The following GALNT13 variants were observed in gnomAD, a reference collection of about 807,000 sequenced individuals.
GALNT13 encodes the protein UDP-GalNAc:polypeptide N-acetylgalactosaminyltransferase 13.
In GALNT13, 28 loss-of-function variants were observed where a neutral mutation model predicts 64.2. The ratio of observed to expected loss-of-function variants is 0.44; its 90% CI spans 0.32 to 0.60. GALNT13 has a LOEUF of 0.60. Ranked by LOEUF, GALNT13 falls within the 20% of genes least tolerant of loss-of-function variation. The pLI, the probability that GALNT13 is intolerant of heterozygous loss-of-function variation, is 0.05. For synonymous variants in GALNT13, 214 were observed against 224.6 expected (o/e 0.95, Z 0.42); for missense variants, 577 against 669.8 (o/e 0.86, Z 1.53).
chr2:153,104,826 T>A, the GALNT13 span, among the ~76,000 whole-genome samples: 1 of 152,154 alleles, frequency 6.6e-6, no homozygotes, highest in African/African-American at 2.4e-5. Context: ...CTATTATCTC[T>A]TTTTCACAGA....
the GALNT13 span, among the ~76,000 whole-genome samples, chr2:153,496,374 T>C: frequency 6.6e-6 from 1 of 152,210 alleles, no homozygotes; most frequent in Admixed American, 6.5e-5. Flanking sequence ...ATCCAATTTC[T>C]TCTAAGTCTC....
At chr2:153,916,525 T>TAG (rs34821655) in intron 2 of GALNT13, among the ~76,000 whole-genome samples, 107,940 of 151,662 alleles carry the variant, frequency 0.71, 38,694 homozygotes, top group East Asian at 0.9. Flanking sequence ...CATACAGAAC[T>TAG]ATTCTGATCT....
chr2:153,732,525 T>A, the GALNT13 span, among the ~76,000 whole-genome samples: 1 of 152,052 alleles, frequency 6.6e-6, no homozygotes, highest in African/African-American at 2.4e-5. Context: ...AATATAACAA[T>A]GAACTCTACC....
chr2:154,133,141 G>A (rs1374869614), intron 3 of GALNT13, among the ~76,000 whole-genome samples: 1 of 152,094 alleles, frequency 6.6e-6, no homozygotes, highest in Non-Finnish European at 1.5e-5. Flanking sequence ...GAGATTGTGA[G>A]CAAGAAAGGC....
the GALNT13 span, among the ~76,000 whole-genome samples, chr2:153,506,930 A>G: frequency 1.3e-5 from 2 of 152,170 alleles, no homozygotes; most frequent in Non-Finnish European, 2.9e-5. Context: ...TCCCTCAAAC[A>G]TGTTTTCCAG....
At chr2:153,702,111 A>G in the GALNT13 span, among the ~76,000 whole-genome samples, 1 of 152,244 alleles carries the variant, frequency 6.6e-6, no homozygotes, top group African/African-American at 2.4e-5. Context: ...CTGAATAAAG[A>G]AAATATGGTA....
chr2:153,580,531 A>G, the GALNT13 span, among the ~76,000 whole-genome samples: 3 of 152,218 alleles, frequency 2.0e-5, no homozygotes, highest in Non-Finnish European at 4.4e-5. Flanking sequence ...TTCTAAAAAA[A>G]TCTACATTGC....
the GALNT13 span, among the ~76,000 whole-genome samples, chr2:153,669,009 C>G: frequency 6.6e-6 from 1 of 152,204 alleles, no homozygotes; most frequent in African/African-American, 2.4e-5. Context: ...GAGTGCCTTT[C>G]TGTCTGCTGG....
intron 4 of GALNT13, among the ~76,000 whole-genome samples, chr2:154,157,773 A>G (rs1384798559): frequency 1.3e-5 from 2 of 152,132 alleles, no homozygotes; most frequent in African/African-American, 2.4e-5. Context: ...GAGGTCACTA[A>G]TGATTGCTAT....
At chr2:154,416,581 C>T (rs1700015749) in intron 11 of GALNT13, among the ~76,000 whole-genome samples, 1 of 152,088 alleles carries the variant, frequency 6.6e-6, no homozygotes, top group Non-Finnish European at 1.5e-5. Context: ...CAATAATAAA[C>T]ACTCTAGGTA....
chr2:153,305,605 G>A, the GALNT13 span, among the ~76,000 whole-genome samples: 2 of 152,062 alleles, frequency 1.3e-5, no homozygotes, highest in African/African-American at 4.8e-5. Context: ...TACAACTCTG[G>A]TTGTAAACCC....
At chr2:153,477,901 A>T in the GALNT13 span, 1 of 333,312 alleles carries the variant, frequency 3.0e-6, no homozygotes, top group Non-Finnish European at 5.6e-6. Flanking sequence ...ACCTGCCCCC[A>T]GAGCTTGGCC....
At chr2:153,878,791 G>A (rs951553203) in intron 1 of GALNT13, among the ~76,000 whole-genome samples, 2 of 152,162 alleles carry the variant, frequency 1.3e-5, no homozygotes, top group Admixed American at 1.3e-4. Context: ...TTTGGTTAGT[G>A]CTCTTGTAAA....
At chr2:153,751,985 G>A in the GALNT13 span, among the ~76,000 whole-genome samples, 1 of 150,770 alleles carries the variant, frequency 6.6e-6, no homozygotes, top group South Asian at 2.1e-4. Context: ...CTCATTTTTT[G>A]TGTATTCATT....
At chr2:153,330,752 A>G in the GALNT13 span, among the ~76,000 whole-genome samples, 1 of 151,962 alleles carries the variant, frequency 6.6e-6, no homozygotes, top group Non-Finnish European at 1.5e-5. Context: ...TTCATTTCCC[A>G]TTCGTATGCC....
intron 1 of GALNT13, among the ~76,000 whole-genome samples, chr2:153,876,343 T>A (rs1686377390): frequency 6.6e-6 from 1 of 152,132 alleles, no homozygotes; most frequent in Non-Finnish European, 1.5e-5. Context: ...TAGACTTCTG[T>A]TTACAATTTC....
chr2:153,603,325 C>G, the GALNT13 span, among the ~76,000 whole-genome samples: 1 of 151,818 alleles, frequency 6.6e-6, no homozygotes, highest in Non-Finnish European at 1.5e-5. Context: ...AGAGAAACAA[C>G]AGGAAAAGAA....
the GALNT13 span, among the ~76,000 whole-genome samples, chr2:153,791,582 A>G: frequency 2.0e-5 from 3 of 152,146 alleles, no homozygotes; most frequent in African/African-American, 7.2e-5. Flanking sequence ...GAGTATATAC[A>G]CAAAGGAATA....
intron 3 of GALNT13, among the ~76,000 whole-genome samples, chr2:154,045,710 G>A (rs1318968156): frequency 6.6e-6 from 1 of 152,168 alleles, no homozygotes; most frequent in East Asian, 1.9e-4. Flanking sequence ...TTAGTTCAAT[G>A]TAGCAGTTCT....
Sources: allele counts gnomAD v4.1 joint callset (sites outside exome capture counted in the v4.1 genomes callset), GRCh38; gene constraint gnomAD v4.1.1; transcripts MANE v1.5; gene names NCBI Gene and HGNC (gene_info 2026-07-23, HGNC 2026-07-21).